The following AP1G1 variants were observed in gnomAD, a reference collection of about 807,000 sequenced individuals.
AP1G1 encodes the protein AP-1 complex subunit gamma-1.
A neutral mutation model predicts 108.3 loss-of-function variants in AP1G1; 7 were observed. That is an observed-to-expected ratio of 0.06 (90% confidence interval 0.04 to 0.12). AP1G1 has a LOEUF of 0.12. Ranked by LOEUF, AP1G1 falls within the 10% of genes least tolerant of loss-of-function variation. The pLI is 1.00. For missense variants in AP1G1, 756 were observed against 1,010.7 expected, an observed-to-expected ratio of 0.75 and a Z score of 3.42; for synonymous variants, 379 against 353.5, an observed-to-expected ratio of 1.07 and a Z score of -0.81.
At chr16:71,772,599 T>A (rs892280436) in intron 4 of AP1G1, among the ~76,000 whole-genome samples, 2 of 152,202 alleles carry the variant, frequency 1.3e-5, no homozygotes, top group Admixed American at 1.3e-4. Flanking sequence ...GGAAATGGCT[T>A]GGCCTTTTCA....
chr16:71,775,479 CACACAA>C (rs2031749039), intron 2 of AP1G1, among the ~76,000 whole-genome samples: 1 of 152,108 alleles, frequency 6.6e-6, no homozygotes, highest in Non-Finnish European at 1.5e-5. Context: ...TTTGCAGATT[CACACAA>C]ACACAAACTA....
At position 71,777,070 on chromosome 16, in the gene AP1G1, A is replaced by T. The variant is rs180850264; in HGVS notation, c.202-2478T>A. Among the ~76,000 whole-genome samples, 526 of 133,240 alleles carry T rather than the reference A, an allele frequency of 3.9e-3. 1 individual carries two copies. Among genetic ancestry groups the T allele is most frequent in the South Asian group, 9.8e-3 (38 of 3,886 alleles). 87.4% of individuals were successfully genotyped at this position (133,240 alleles called of 152,430 possible). A position where few individuals can be genotyped will look rare whatever the true frequency, so the allele number is the denominator to read the frequency against. On this transcript the variant is annotated intron_variant, in intron 2 of 22. Coordinates refer to ENST00000299980, the MANE Select transcript of AP1G1 (RefSeq NM_001128.6). ...GGTTGCAGTGAGCTGAGATCGCGCC[A>T]CTGCACTCCAGCCTAGGAAAACAGC...
In AP1G1 at chr16:71,748,336, T is replaced by G. The variant is rs747114230; in HGVS notation, c.1540A>C (p.Ile514Leu). The G allele has an allele frequency of 6.2e-7, 1 of 1,613,406 alleles. No individual in the cohort carries two copies. Among genetic ancestry groups the G allele is most frequent in the South Asian group, 1.1e-5 (1 of 91,010 alleles). Reference protein sequence around the residue: ...EVLDILESVLISNMSTSVTRG... With the variant: ...EVLDILESVLLSNMSTSVTRG... ...GTCACAGAGGTGGACATATTAGAGATTAGGACACTTTCTAAAATATCCAAC... is the reference window on the plus strand; with the variant it reads ...GTCACAGAGGTGGACATATTAGAGAGTAGGACACTTTCTAAAATATCCAAC... The change falls in exon 16 of 23, where the codon ATC becomes CTC. Residue 514 changes from isoleucine (I) to leucine (L), a missense_variant. This residue lies in a region of AP1G1 where 357 missense variants were observed against 366.5 expected (regional missense o/e 0.97). Coordinates refer to ENST00000299980, the MANE Select transcript of AP1G1 (RefSeq NM_001128.6).
chr16:71,744,319 T>A (rs1017338469), intron 19 of AP1G1, among the ~76,000 whole-genome samples: 1 of 152,194 alleles, frequency 6.6e-6, no homozygotes, highest in Non-Finnish European at 1.5e-5. Flanking sequence ...GACTGGTATA[T>A]ATGAACAGAA....
intron 13 of AP1G1, among the ~76,000 whole-genome samples, chr16:71,752,893 C>G (rs1457348790): frequency 1.3e-5 from 2 of 152,074 alleles, no homozygotes; most frequent in African/African-American, 2.4e-5. Flanking sequence ...CCATTTCTTT[C>G]TTCATGAATT....
chr16:71,769,900 A>C (rs912770626), intron 5 of AP1G1, among the ~76,000 whole-genome samples: 3 of 152,214 alleles, frequency 2.0e-5, no homozygotes, highest in Admixed American at 6.5e-5. Context: ...AAGTTGGTAA[A>C]ATCGGAATGT....
chr16:71,772,155 G>A (rs1471774206), intron 4 of AP1G1, among the ~76,000 whole-genome samples: 1 of 151,226 alleles, frequency 6.6e-6, no homozygotes, highest in African/African-American at 2.4e-5. Flanking sequence ...TTTTGAGACG[G>A]AGTCTCGCTC....
chr16:71,800,812 AG>A (rs1460227528), intron 1 of AP1G1, among the ~76,000 whole-genome samples: 2 of 151,718 alleles, frequency 1.3e-5, no homozygotes, highest in Non-Finnish European at 2.9e-5. Context: ...AAAAAAAAAA[AG>A]AAAGAAACCC....
At chr16:71,798,583 A>C (rs766487723) in intron 1 of AP1G1, among the ~76,000 whole-genome samples, 4 of 151,948 alleles carry the variant, frequency 2.6e-5, no homozygotes, top group Non-Finnish European at 5.9e-5. Flanking sequence ...GACATAAATA[A>C]GATTAAAAGA....
chr16:71,777,291 G>A (rs773455417), intron 2 of AP1G1, among the ~76,000 whole-genome samples: 26 of 150,700 alleles, frequency 1.7e-4, no homozygotes, highest in Non-Finnish European at 3.5e-4. Context: ...GCAGAGGTTA[G>A]GCAGGAGAGG....
intron 19 of AP1G1, among the ~76,000 whole-genome samples, chr16:71,741,365 C>T (rs2045618895): frequency 6.6e-6 from 1 of 152,024 alleles, no homozygotes; most frequent in Non-Finnish European, 1.5e-5. Context: ...GGTGGATCAC[C>T]TGAGGTCAGG....
At chr16:71,801,094 G>A (rs534645756) in intron 1 of AP1G1, among the ~76,000 whole-genome samples, 2 of 152,252 alleles carry the variant, frequency 1.3e-5, no homozygotes, top group South Asian at 4.1e-4. Context: ...ATCACTTAAG[G>A]TCAGGAGTTT....
At chr16:71,802,815 G>T (rs929651925) in intron 1 of AP1G1, among the ~76,000 whole-genome samples, 1 of 152,110 alleles carries the variant, frequency 6.6e-6, no homozygotes. Flanking sequence ...TTCTGACTTG[G>T]CTTCCCAAAG....
At chr16:71,740,656 C>CA (rs1459938824) in intron 19 of AP1G1, among the ~76,000 whole-genome samples, 1 of 151,872 alleles carries the variant, frequency 6.6e-6, no homozygotes, top group Non-Finnish European at 1.5e-5. Flanking sequence ...AAAAAAGGTG[C>CA]AAAAAAGAAC....
chr16:71,751,104 G>A (rs555305161), intron 13 of AP1G1, among the ~76,000 whole-genome samples: 5 of 148,584 alleles, frequency 3.4e-5, no homozygotes, highest in African/African-American at 7.5e-5. Flanking sequence ...GCAGTGAGCC[G>A]AGTTTGCGCC....
intron 13 of AP1G1, among the ~76,000 whole-genome samples, chr16:71,752,005 T>G (rs972670513): frequency 2.6e-5 from 4 of 152,286 alleles, no homozygotes; most frequent in African/African-American, 9.6e-5. Context: ...AACAAGATAT[T>G]AGCAAATCAA....
At chr16:71,770,418 G>A (rs1019675119) in intron 5 of AP1G1, among the ~76,000 whole-genome samples, 1 of 152,206 alleles carries the variant, frequency 6.6e-6, no homozygotes, top group African/African-American at 2.4e-5. Context: ...TAATTCCTCT[G>A]TTTTATACAA....
intron 2 of AP1G1, among the ~76,000 whole-genome samples, chr16:71,778,537 G>C (rs529481762): frequency 6.6e-6 from 1 of 152,092 alleles, no homozygotes; most frequent in Non-Finnish European, 1.5e-5. Flanking sequence ...CAAAAAATTA[G>C]CCAGGCGTAG....
intron 1 of AP1G1, 21 bp from the exon 2 acceptor site, chr16:71,789,503 A>C: frequency 1.2e-6 from 2 of 1,605,538 alleles, no homozygotes; most frequent in Non-Finnish European, 1.7e-6. Context: ...AAAGACATTA[A>C]ATAGAGATGT....
Sources: gnomAD v4.1 joint callset for allele counts (sites outside exome capture counted in the v4.1 genomes callset) on GRCh38, gnomAD v4.1.1 for gene constraint, gnomAD v4.1.1 regional missense constraint, MANE v1.5 for transcripts, NCBI Gene and HGNC (gene_info 2026-07-23, HGNC 2026-07-21) for gene names.